Variants in CACNA1D observed in about 807,000 individuals in gnomAD.
CACNA1D encodes the protein calcium voltage-gated channel subunit alpha1 D, also known as voltage-dependent L-type calcium channel subunit alpha-1D.
CACNA1D carries 55 observed loss-of-function variants against 257.1 expected under a neutral mutation model. That is an observed-to-expected ratio of 0.21 (90% CI 0.17 to 0.27). The LOEUF (loss-of-function observed/expected upper bound fraction) is 0.27. Among genes scored for constraint, CACNA1D ranks in the 10% least tolerant of loss-of-function variants. The pLI is 1.00. For missense variants in CACNA1D, 1,876 were observed against 2,784.0 expected (o/e 0.67, Z 7.34); for synonymous variants, 980 against 1,014.9 (o/e 0.97, Z 0.65).
At position 53,753,553 on chromosome 3, in the gene CACNA1D, C is replaced by T. The variant is rs200203902; in HGVS notation, c.3676-19C>T. 1 of 1,490,882 alleles carries T rather than the reference C, an allele frequency of 6.7e-7. No individual in the cohort carries two copies. The highest frequency in any genetic ancestry group is 1.1e-5 in the South Asian group (1 of 88,566). 92.4% of individuals were successfully genotyped at this position (1,490,882 alleles called of 1,614,324 possible). A position where few individuals can be genotyped will look rare whatever the true frequency, so the allele number is the denominator to read the frequency against. Reference sequence around the variant, plus strand: ...CGTGGCTGAGGCTCTGAGAACGGTCCCTCTGTCTTCATCCATAGCACTACG... The same window carrying T: ...CGTGGCTGAGGCTCTGAGAACGGTCTCTCTGTCTTCATCCATAGCACTACG... On this transcript the variant is annotated intron_variant, in intron 28 of 47. Coordinates refer to ENST00000350061, the MANE Select transcript of CACNA1D (RefSeq NM_001128840.3).
At chr3:53,603,999 T>C (rs1197496279) in intron 3 of CACNA1D, among the ~76,000 whole-genome samples, 1 of 152,242 alleles carries the variant, frequency 6.6e-6, no homozygotes, top group East Asian at 1.9e-4. Flanking sequence ...ACAGCAGGTA[T>C]CTACATTTAC....
At chr3:53,538,263 T>A (rs374651418) in intron 3 of CACNA1D, among the ~76,000 whole-genome samples, 1 of 150,694 alleles carries the variant, frequency 6.6e-6, no homozygotes, top group Non-Finnish European at 1.5e-5. Flanking sequence ...TTCTCGTGCC[T>A]TAGCTTACTG....
At chr3:53,629,694 G>A (rs1233169090) in intron 3 of CACNA1D, among the ~76,000 whole-genome samples, 1 of 152,110 alleles carries the variant, frequency 6.6e-6, no homozygotes, top group African/African-American at 2.4e-5. Context: ...CAATGCTGCT[G>A]CTGCCACACA....
At chr3:53,808,915 C>A in intron 46 of CACNA1D, 145 bp downstream of exon 46, 3 of 831,564 alleles carry the variant, frequency 3.6e-6, no homozygotes, top group Non-Finnish European at 5.6e-6. Context: ...TTGTAACAAT[C>A]CTGTCAAATA....
At chr3:53,629,982 A>C (rs1311004522) in intron 3 of CACNA1D, among the ~76,000 whole-genome samples, 1 of 152,228 alleles carries the variant, frequency 6.6e-6, no homozygotes, top group Non-Finnish European at 1.5e-5. Flanking sequence ...ACTGAGGACA[A>C]AGTAAGCCCT....
chr3:53,776,177 G>C, intron 35 of CACNA1D, 132 bp downstream of exon 35: 1 of 832,724 alleles, frequency 1.2e-6, no homozygotes, highest in Non-Finnish European at 2.0e-6. Context: ...GACTCCACTT[G>C]GCAGTTGAGG....
chr3:53,586,628 G>A (rs2093222377), intron 3 of CACNA1D, among the ~76,000 whole-genome samples: 1 of 152,086 alleles, frequency 6.6e-6, no homozygotes, highest in South Asian at 2.1e-4. Flanking sequence ...CATTTTTATA[G>A]AGAGCTTCAA....
intron 30 of CACNA1D, chr3:53,762,512 T>G (rs2095309578): frequency 4.4e-6 from 2 of 455,204 alleles, no homozygotes; most frequent in Non-Finnish European, 8.8e-6. Flanking sequence ...CCTGTGGTGC[T>G]TCCTCTCCTC....
intron 3 of CACNA1D, among the ~76,000 whole-genome samples, chr3:53,540,093 T>A (rs1419747035): frequency 6.6e-6 from 1 of 151,700 alleles, no homozygotes; most frequent in East Asian, 1.9e-4. Flanking sequence ...TTTTTTTTTT[T>A]AAACACAAAT....
intron 3 of CACNA1D, among the ~76,000 whole-genome samples, chr3:53,540,285 AT>A (rs111314846): frequency 2.6e-3 from 368 of 140,830 alleles, no homozygotes; most frequent in African/African-American, 4.9e-3. Flanking sequence ...TGCCCGGCTA[AT>A]TTTTTTTTTT....
At position 53,800,271 on chromosome 3, in the gene CACNA1D, A is replaced by G; in HGVS notation, c.4946A>G (p.Asp1649Gly). The change falls in exon 41 of 48, where the codon GAC (aspartate) becomes GGC (glycine). Residue 1649 changes from aspartate to glycine, a missense_variant. Around this residue, in one of 10 missense-constraint regions of CACNA1D, gnomAD observed 160 missense variants for 236.6 expected, o/e 0.68. Coordinates refer to ENST00000350061, the MANE Select transcript of CACNA1D (RefSeq NM_001128840.3). This position sits in a 1 kb window ranked among gnomAD's most constrained non-coding sequence, Gnocchi z 4.3. ...ALQAGLRTLH[D>G]IGPEIRRAIS... Reference sequence around the variant, plus strand: ...TAGGCGGGATTAAGGACACTGCATGACATTGGGCCAGAAATCCGGCGTGCT... The same window carrying G: ...TAGGCGGGATTAAGGACACTGCATGGCATTGGGCCAGAAATCCGGCGTGCT... 6.2e-7 allele frequency: 1 copy of G among 1,613,856 alleles called. No individual in the cohort carries two copies. Among genetic ancestry groups the G allele is most frequent in the Middle Eastern group, 1.6e-4 (1 of 6,062 alleles).
chr3:53,606,557 G>T (rs1461763558), intron 3 of CACNA1D, among the ~76,000 whole-genome samples: 1 of 152,228 alleles, frequency 6.6e-6, no homozygotes, highest in Non-Finnish European at 1.5e-5. Context: ...CTGAGTCAAG[G>T]GTACAGTGGC....
At position 53,702,738 on chromosome 3, in the gene CACNA1D, G is replaced by A; in HGVS notation, c.1318G>A (p.Asp440Asn). The change falls in exon 9 of 48, where the codon GAT becomes AAT. Residue 440 changes from aspartate (D) to asparagine (N), a missense_variant. Physicochemically the swap from Asp to Asn is conservative, Grantham distance 23. This residue lies in a region of CACNA1D where 188 missense variants were observed against 390.4 expected (regional missense o/e 0.48). Coordinates refer to ENST00000350061, the MANE Select transcript of CACNA1D (RefSeq NM_001128840.3). ...QLEEDLKGYL[D>N]WITQAEDIDP... The stretch of plus-strand genomic sequence containing the variant: ...GGAGGAGGATCTAAAGGGCTACTTG[G>A]ATTGGATCACCCAAGCTGAGGACAT... 3 of 1,614,234 alleles carry A rather than the reference G, an allele frequency of 1.9e-6. No homozygotes were observed. Among genetic ancestry groups the A allele is most frequent in the Non-Finnish European group, 2.5e-6 (3 of 1,180,036 alleles).
rs143710245 is a variant in CACNA1D, at chr3:53,787,365, C to A, written c.4923+413C>A. Reference sequence around the variant, plus strand: ...TGTTTTGTTTCCGTTTGTTTCTTACCCCACTGCTTGTTGGTTTTTGGTCCA... The same window carrying A: ...TGTTTTGTTTCCGTTTGTTTCTTACACCACTGCTTGTTGGTTTTTGGTCCA... On this transcript the variant is annotated intron_variant, in intron 40 of 47. Transcript: ENST00000350061. Among the ~76,000 whole-genome samples the A allele has an allele frequency of 7.9e-5, 12 of 151,880 alleles. No homozygotes were observed. The East Asian group carries it at 2.1e-3, about 27-fold the overall frequency.
intron 1 of CACNA1D, among the ~76,000 whole-genome samples, chr3:53,496,820 C>T (rs964274689): frequency 6.6e-6 from 1 of 151,996 alleles, no homozygotes; most frequent in Admixed American, 6.5e-5. Context: ...ATCAGAGATG[C>T]GGAGTAAATG....
intron 14 of CACNA1D, among the ~76,000 whole-genome samples, 168 bp from the exon 15 acceptor site, chr3:53,726,711 A>T (rs1225305035): frequency 2.0e-5 from 3 of 152,226 alleles, no homozygotes; most frequent in Non-Finnish European, 4.4e-5. Context: ...TTGTGTAATT[A>T]AAAAACAGTG....
At chr3:53,655,782 A>T (rs1184445607) in intron 4 of CACNA1D, among the ~76,000 whole-genome samples, 1 of 152,066 alleles carries the variant, frequency 6.6e-6, no homozygotes, top group African/African-American at 2.4e-5. Flanking sequence ...CTTAAGTTTA[A>T]TTAGGCCCAT....
intron 40 of CACNA1D, among the ~76,000 whole-genome samples, chr3:53,787,207 C>T (rs896561634): frequency 2.0e-5 from 3 of 152,148 alleles, no homozygotes; most frequent in African/African-American, 4.8e-5. Context: ...CGGAGAGGAG[C>T]GAGCGCTACC....
chr3:53,623,962 A>G (rs565921671), intron 3 of CACNA1D, among the ~76,000 whole-genome samples: 3 of 152,336 alleles, frequency 2.0e-5, no homozygotes, highest in East Asian at 3.9e-4. Flanking sequence ...TTTAAAATAT[A>G]CAGAGTTCTG....
Sources: allele counts gnomAD v4.1 joint callset (sites outside exome capture counted in the v4.1 genomes callset), GRCh38; gene constraint gnomAD v4.1.1; regional missense constraint gnomAD v4.1.1; non-coding constraint Gnocchi (gnomAD v3.1); transcripts MANE v1.5; gene names NCBI Gene and HGNC (gene_info 2026-07-23, HGNC 2026-07-21).